The following MRGPRX3 variants were observed in gnomAD, a reference collection of about 807,000 sequenced individuals.
MRGPRX3 encodes the protein mas-related G protein-coupled receptor member X3.
MRGPRX3 carries 14 observed loss-of-function variants against 16.5 expected under a neutral mutation model. That is an observed-to-expected ratio of 0.85 (90% CI 0.56 to 1.33). The LOEUF (loss-of-function observed/expected upper bound fraction) is 1.33, where lower values mean the gene tolerates loss of function less well. Among genes scored for constraint, MRGPRX3 ranks in the 40% most tolerant of loss-of-function variants. The probability of loss-of-function intolerance (pLI) is 0.00; values close to 1 mark genes in which losing one functional copy is unlikely to be tolerated. For missense variants in MRGPRX3, 449 were observed against 413.0 expected, an observed-to-expected ratio of 1.09 and a Z score of -0.76; for synonymous variants, 199 against 180.1, an observed-to-expected ratio of 1.10 and a Z score of -0.84.
chr11:18,121,342 C>G (rs193295976), intron 1 of MRGPRX3, among the ~76,000 whole-genome samples: 3 of 151,966 alleles, frequency 2.0e-5, no homozygotes, highest in South Asian at 2.1e-4. Context: ...GTCAGCCCCC[C>G]GCCTGGCCAG....
chr11:18,130,863 A>T (rs1848955066), upstream of MRGPRX3, among the ~76,000 whole-genome samples: 1 of 152,170 alleles, frequency 6.6e-6, no homozygotes, highest in Non-Finnish European at 1.5e-5. Context: ...AGAAGAGAGA[A>T]TCCAGAAATA....
chr11:18,134,535 G>A (rs547979875), intron 1 of MRGPRX3, among the ~76,000 whole-genome samples: 2 of 152,264 alleles, frequency 1.3e-5, no homozygotes, highest in Admixed American at 6.5e-5. Context: ...CACATATAAG[G>A]AAATTGAGCA....
intron 1 of MRGPRX3, among the ~76,000 whole-genome samples, chr11:18,126,977 C>T (rs1171950174): frequency 2.6e-5 from 4 of 152,290 alleles, no homozygotes; most frequent in Admixed American, 6.5e-5. Flanking sequence ...TTTATAGCAG[C>T]GTGATTTATA....
chr11:18,130,882 T>C (rs1848955297), upstream of MRGPRX3, among the ~76,000 whole-genome samples: 1 of 151,984 alleles, frequency 6.6e-6, no homozygotes, highest in African/African-American at 2.4e-5. Context: ...TAAAGCCAAA[T>C]AATTATAGCC....
chr11:18,121,697 T>C (rs2134077666), intron 1 of MRGPRX3, among the ~76,000 whole-genome samples: 1 of 151,730 alleles, frequency 6.6e-6, no homozygotes, highest in East Asian at 1.9e-4. Context: ...TCTGTGACCT[T>C]ACCCCCAACC....
upstream of MRGPRX3, among the ~76,000 whole-genome samples, chr11:18,128,678 C>T (rs192872080): frequency 6.6e-6 from 1 of 152,368 alleles, no homozygotes; most frequent in East Asian, 1.9e-4. Context: ...CCGTCTGTCA[C>T]TCCTTTTCTT....
chr11:18,129,825 A>G (rs1477868094), upstream of MRGPRX3, among the ~76,000 whole-genome samples: 2 of 152,242 alleles, frequency 1.3e-5, no homozygotes, highest in Admixed American at 1.3e-4. Context: ...CAAGAAGATA[A>G]TCCACCATTG....
rs184016917 is a variant in MRGPRX3 at position 18,134,665 on chromosome 11, T to C, written c.-26+1926T>C. ...GCATCATACATCAGAATTCCAAAAA[T>C]TGCTGCTCCCCAGTTCCTAGAGAGT... is the stretch of plus-strand genomic sequence containing the variant. On this transcript the variant is annotated intron_variant, in intron 1 of 1. Coordinates refer to ENST00000621697, the MANE Select transcript of MRGPRX3 (RefSeq NM_001370464.1). Among the ~76,000 whole-genome samples the C allele has an allele frequency of 4.6e-5, 7 of 152,250 alleles. No homozygotes were observed. The East Asian group carries it at 9.7e-4, about 21-fold the overall frequency.
chr11:18,135,824 G>C (rs867621777), intron 1 of MRGPRX3, among the ~76,000 whole-genome samples: 8 of 151,922 alleles, frequency 5.3e-5, no homozygotes, highest in Middle Eastern at 6.8e-3. Context: ...AGCCCTGCTG[G>C]GCTCACATTC....
upstream of MRGPRX3, among the ~76,000 whole-genome samples, chr11:18,131,728 T>TA (rs1379819723): frequency 2.0e-5 from 3 of 151,856 alleles, no homozygotes; most frequent in Non-Finnish European, 4.4e-5. Flanking sequence ...AACTCAGCCA[T>TA]AAAAAAGAAT....
At chr11:18,128,746 C>T (rs1848929413), upstream of MRGPRX3, among the ~76,000 whole-genome samples, 1 of 152,198 alleles carries the variant, frequency 6.6e-6, no homozygotes, top group South Asian at 2.1e-4. Flanking sequence ...GATGTCTCGC[C>T]CTGCTTCGGC....
At chr11:18,134,984 C>T (rs532357440) in intron 1 of MRGPRX3, among the ~76,000 whole-genome samples, 1 of 152,312 alleles carries the variant, frequency 6.6e-6, no homozygotes, top group East Asian at 1.9e-4. Context: ...CCCTGACTGT[C>T]TCTGATTCTG....
At chr11:18,126,432 A>T (rs1261550186) in intron 1 of MRGPRX3, among the ~76,000 whole-genome samples, 2 of 152,064 alleles carry the variant, frequency 1.3e-5, no homozygotes, top group Non-Finnish European at 2.9e-5. Flanking sequence ...AAAGGATTTT[A>T]TTTCTCCTTC....
At chr11:18,121,812 A>G (rs1199097141) in intron 1 of MRGPRX3, among the ~76,000 whole-genome samples, 2 of 152,050 alleles carry the variant, frequency 1.3e-5, no homozygotes, top group African/African-American at 4.8e-5. Context: ...CATGCTCGTT[A>G]AGAGTCATCA....
rs138780314 is a variant in MRGPRX3 at position 18,138,102 on chromosome 11, G to A, written c.900G>A (p.Glu300=). The A allele has an allele frequency of 1.8e-5, 29 of 1,614,190 alleles. No homozygotes were observed. In the African/African-American group the frequency reaches 2.5e-4, roughly 14 times the overall value. The part of the protein sequence containing the change: ...VLQRALQDTP[E]VDEGGGWLPQ... ...AGAGGGCTCTGCAGGACACGCCTGAGGTGGATGAAGGTGGAGGGTGGCTTC... is the reference window on the plus strand; with the variant it reads ...AGAGGGCTCTGCAGGACACGCCTGAAGTGGATGAAGGTGGAGGGTGGCTTC... The change falls in exon 2 of 2, where the codon GAG becomes GAA. Residue 300 remains glutamate, a synonymous_variant. Transcript: ENST00000621697.
chr11:18,124,319 G>A (rs890622114), intron 1 of MRGPRX3, among the ~76,000 whole-genome samples: 3 of 152,188 alleles, frequency 2.0e-5, no homozygotes, highest in African/African-American at 7.2e-5. Flanking sequence ...GATATTGGCT[G>A]TGGGTTTGTC....
Position 18,137,813 on chromosome 11 carries a change from G to T in MRGPRX3, c.611G>T (p.Cys204Phe), listed in dbSNP as rs746326232. The change falls in exon 2 of 2, where the codon TGT (cysteine) becomes TTT (phenylalanine). Residue 204 changes from cysteine to phenylalanine, a missense_variant. Coordinates refer to ENST00000621697, the MANE Select transcript of MRGPRX3 (RefSeq NM_001370464.1). Reference protein sequence around the residue: ...SSLVLLVRILCGSRKMPLTRL... With the variant: ...SSLVLLVRILFGSRKMPLTRL... Reference sequence around the variant, plus strand: ...CTGGTCCTGCTGGTCAGGATTCTCTGTGGATCCCGGAAGATGCCGCTGACC... The same window carrying T: ...CTGGTCCTGCTGGTCAGGATTCTCTTTGGATCCCGGAAGATGCCGCTGACC... The T allele has an allele frequency of 2.5e-6, 4 of 1,614,190 alleles. No individual in the cohort carries two copies. Among genetic ancestry groups the T allele is most frequent in the Non-Finnish European group, 2.5e-6 (3 of 1,180,038 alleles).
Position 18,137,889 on chromosome 11 carries a change from C to T in MRGPRX3, c.687C>T (p.Gly229=), listed in dbSNP as rs1473817971. Residue 229 remains glycine, a synonymous_variant, in exon 2 of 2, where the codon GGC becomes GGT. Transcript: ENST00000621697. ...LLTVLVFLLC[G]LPFGIQWALF... is the part of the protein sequence containing the mutation. ...CAGTGCTGGTCTTCCTCCTCTGTGG[C>T]CTGCCCTTTGGCATTCAGTGGGCCC... The T allele has an allele frequency of 6.8e-6, 11 of 1,614,100 alleles. No individual in the cohort carries two copies. The highest frequency in any genetic ancestry group is 3.3e-4 in the Middle Eastern group (2 of 6,084).
intron 1 of MRGPRX3, among the ~76,000 whole-genome samples, chr11:18,134,098 A>G (rs1350845002): frequency 1.3e-5 from 2 of 152,274 alleles, no homozygotes; most frequent in East Asian, 3.9e-4. Context: ...GACTACTTTA[A>G]TGTTTGGCTT....
Sources: gnomAD v4.1 joint callset for allele counts (sites outside exome capture counted in the v4.1 genomes callset) on GRCh38, gnomAD v4.1.1 for gene constraint, MANE v1.5 for transcripts, NCBI Gene and HGNC (gene_info 2026-07-23, HGNC 2026-07-21) for gene names.